PRKD1: variants seen among roughly 807,000 people sequenced by gnomAD.
PRKD1 encodes serine/threonine-protein kinase D1.
Under a neutral mutation model 95.9 loss-of-function variants are expected in PRKD1, and 63 were observed. The observed-to-expected ratio is 0.66, with a 90% confidence interval of 0.54 to 0.81. The LOEUF (loss-of-function observed/expected upper bound fraction) is 0.81. Ranked by LOEUF, PRKD1 falls within the 30% of genes least tolerant of loss-of-function variation. The probability of loss-of-function intolerance (pLI) is 0.00; values close to 1 mark genes in which losing one functional copy is unlikely to be tolerated. For missense variants in PRKD1, 1,048 were observed against 1,165.3 expected (o/e 0.90, Z 1.47); for synonymous variants, 425 against 423.1 (o/e 1.00, Z -0.05).
intron 1 of PRKD1, among the ~76,000 whole-genome samples, chr14:29,899,110 T>A (rs1402328067): frequency 1.3e-5 from 2 of 152,206 alleles, no homozygotes; most frequent in African/African-American, 4.8e-5. Context: ...CACAATTCAC[T>A]AAGAATCAAT....
chr14:29,801,935 G>A (rs1028945676), intron 1 of PRKD1, among the ~76,000 whole-genome samples: 7 of 152,160 alleles, frequency 4.6e-5, no homozygotes, highest in Non-Finnish European at 1.0e-4. Flanking sequence ...TGATCCACCC[G>A]CCTCAGCCTC....
intron 1 of PRKD1, among the ~76,000 whole-genome samples, chr14:29,826,760 T>TATATATACAC (rs1555348548): frequency 7.7e-5 from 3 of 39,128 alleles, no homozygotes; most frequent in Non-Finnish European, 9.9e-5. Context: ...TATATATACA[T>TATATATACAC]ATATATATAC....
At chr14:29,641,894 ATT>A (rs1490664846) in intron 4 of PRKD1, among the ~76,000 whole-genome samples, 27 of 130,194 alleles carry the variant, frequency 2.1e-4, no homozygotes, top group African/African-American at 7.6e-4. Context: ...CTTTAAAAAT[ATT>A]TCTTTTTTTT....
chr14:29,729,295 T>A (rs1886320710), intron 1 of PRKD1, among the ~76,000 whole-genome samples: 1 of 152,216 alleles, frequency 6.6e-6, no homozygotes, highest in South Asian at 2.1e-4. Context: ...GCTGAAGCCA[T>A]GTTAAGCCCA....
intron 7 of PRKD1, among the ~76,000 whole-genome samples, chr14:29,635,720 A>C (rs1318592193): frequency 6.6e-6 from 1 of 152,342 alleles, no homozygotes; most frequent in Admixed American, 6.5e-5. Flanking sequence ...GCTATGTTCC[A>C]ATAAAACTTT....
At chr14:29,865,867 C>A (rs973043488) in intron 1 of PRKD1, among the ~76,000 whole-genome samples, 2 of 151,976 alleles carry the variant, frequency 1.3e-5, no homozygotes, top group African/African-American at 4.8e-5. Flanking sequence ...AACAACAAAC[C>A]TTCTGCTAGT....
At chr14:29,859,351 G>C (rs1407164401) in intron 1 of PRKD1, among the ~76,000 whole-genome samples, 1 of 152,032 alleles carries the variant, frequency 6.6e-6, no homozygotes, top group African/African-American at 2.4e-5. Flanking sequence ...GCTCACACCT[G>C]TAATCCCAGC....
intron 1 of PRKD1, among the ~76,000 whole-genome samples, chr14:29,790,051 C>T (rs973348845): frequency 7.5e-5 from 9 of 120,564 alleles, no homozygotes; most frequent in Admixed American, 3.3e-4. Context: ...CTCACTCTGT[C>T]GCCAGGCTGG....
intron 1 of PRKD1, among the ~76,000 whole-genome samples, chr14:29,905,444 T>C (rs1594617464): frequency 2.0e-5 from 3 of 151,698 alleles, no homozygotes; most frequent in East Asian, 1.9e-4. Flanking sequence ...CTAGGTAAAA[T>C]ATATACTTGA....
At chr14:29,851,143 T>C (rs1195790944) in intron 1 of PRKD1, among the ~76,000 whole-genome samples, 1 of 152,052 alleles carries the variant, frequency 6.6e-6, no homozygotes, top group African/African-American at 2.4e-5. Flanking sequence ...ACCTAGAAAA[T>C]GTCCGTCTTG....
intron 1 of PRKD1, among the ~76,000 whole-genome samples, chr14:29,907,656 G>A (rs1241336656): frequency 6.6e-6 from 1 of 152,164 alleles, no homozygotes; most frequent in Non-Finnish European, 1.5e-5. Context: ...CAGCTCTACA[G>A]TACTTAATAA....
intron 1 of PRKD1, among the ~76,000 whole-genome samples, chr14:29,797,350 C>T (rs894821985): frequency 1.3e-5 from 2 of 152,102 alleles, no homozygotes; most frequent in Non-Finnish European, 2.9e-5. Flanking sequence ...AGTAAGTTTA[C>T]ATCAATAAAA....
intron 4 of PRKD1, among the ~76,000 whole-genome samples, chr14:29,647,846 A>AGCAC (rs1881229307): frequency 6.6e-6 from 1 of 152,208 alleles, no homozygotes; most frequent in African/African-American, 2.4e-5. Context: ...TGAAAGACTG[A>AGCAC]GCACCGGACA....
At position 29,927,539 on chromosome 14, in the gene PRKD1, G is replaced by A. The variant is rs1895355502; in HGVS notation, c.-27C>T. On this transcript the variant is annotated 5_prime_UTR_variant, in exon 1 of 18. Transcript: ENST00000331968. ...GCTCGGCGGGGCGCAGGGCCGGGCA[G>A]CGGAGGGCGGGGGCTGGCGGCGCGG... 2.6e-6 allele frequency: 3 copies of A among 1,151,448 alleles called. No individual in the cohort carries two copies. Among genetic ancestry groups the A allele is most frequent in the African/African-American group, 1.6e-5 (1 of 61,336 alleles). The allele number at this position is 1,151,448 out of a possible 1,614,324, so 71.3% of individuals were successfully genotyped here. A position where few individuals can be genotyped will look rare whatever the true frequency, so the allele number is the denominator to read the frequency against.
At chr14:29,796,599 T>G (rs1161392178) in intron 1 of PRKD1, among the ~76,000 whole-genome samples, 1 of 152,098 alleles carries the variant, frequency 6.6e-6, no homozygotes, top group African/African-American at 2.4e-5. Flanking sequence ...TTTCAGGGAT[T>G]CCAAAATTAA....
chr14:29,645,720 G>A (rs752972976), intron 4 of PRKD1, among the ~76,000 whole-genome samples: 79 of 141,330 alleles, frequency 5.6e-4, no homozygotes, highest in Admixed American at 2.7e-4. Flanking sequence ...TCCTAGACAC[G>A]CATAACTGTT....
chr14:29,785,768 C>G (rs1005189999), intron 1 of PRKD1, among the ~76,000 whole-genome samples: 1 of 151,098 alleles, frequency 6.6e-6, no homozygotes, highest in Non-Finnish European at 1.5e-5. Context: ...CACATGTATA[C>G]GTATGTAACT....
At chr14:29,893,755 T>A (rs887182641) in intron 1 of PRKD1, among the ~76,000 whole-genome samples, 1 of 152,188 alleles carries the variant, frequency 6.6e-6, no homozygotes, top group Admixed American at 6.5e-5. Context: ...TGGGCTCCAG[T>A]GCTAGTTCTA....
At chr14:29,672,371 T>TA (rs1411370420) in intron 2 of PRKD1, among the ~76,000 whole-genome samples, 1 of 151,224 alleles carries the variant, frequency 6.6e-6, no homozygotes, top group African/African-American at 2.4e-5. Context: ...TAAAATAAAA[T>TA]AAAATAATTA....
Sources: gnomAD v4.1 joint callset for allele counts (sites outside exome capture counted in the v4.1 genomes callset) on GRCh38, gnomAD v4.1.1 for gene constraint, MANE v1.5 for transcripts, NCBI Gene and HGNC (gene_info 2026-07-23, HGNC 2026-07-21) for gene names.